Variants in ACTR3C observed in about 807,000 individuals in gnomAD.
The protein encoded by ACTR3C is actin related protein 3C.
Under a neutral mutation model 26.3 loss-of-function variants are expected in ACTR3C, and 18 were observed. The ratio of observed to expected loss-of-function variants is 0.68; its 90% confidence interval spans 0.47 to 1.01. ACTR3C has a LOEUF of 1.01. Among genes scored for constraint, ACTR3C ranks in the 50% least tolerant of loss-of-function variants. The pLI is 0.00. For missense variants in ACTR3C, 184 were observed against 250.7 expected (o/e 0.73, Z 1.80); for synonymous variants, 55 against 94.5 (o/e 0.58, Z 2.42).
the ACTR3C span, among the ~76,000 whole-genome samples, chr7:149,964,677 T>C: frequency 6.6e-6 from 1 of 152,230 alleles, no homozygotes; most frequent in Non-Finnish European, 1.5e-5. Flanking sequence ...AAACCTCTCT[T>C]GATTTATATA....
At chr7:150,260,312 T>C (rs1391715038) in intron 6 of ACTR3C, among the ~76,000 whole-genome samples, 4 of 152,202 alleles carry the variant, frequency 2.6e-5, no homozygotes, top group Admixed American at 1.3e-4. Context: ...ACAAAAATGG[T>C]CAATTTTATG....
chr7:150,052,851 T>C, the ACTR3C span, among the ~76,000 whole-genome samples: 2 of 106,838 alleles, frequency 1.9e-5, 1 homozygote, highest in African/African-American at 6.4e-5. Flanking sequence ...TTAACCATAA[T>C]CGACTCTTCT....
chr7:149,951,516 C>T, the ACTR3C span, among the ~76,000 whole-genome samples: 3 of 150,080 alleles, frequency 2.0e-5, no homozygotes, highest in African/African-American at 5.1e-5. Flanking sequence ...TGGTAGGACT[C>T]GGGTCTTTCT....
At chr7:150,126,806 G>C in the ACTR3C span, among the ~76,000 whole-genome samples, 1 of 152,108 alleles carries the variant, frequency 6.6e-6, no homozygotes, top group Non-Finnish European at 1.5e-5. Flanking sequence ...CCTTGTCTGT[G>C]GTATGTTCAC....
chr7:149,906,343 A>G, the ACTR3C span, among the ~76,000 whole-genome samples: 1 of 151,574 alleles, frequency 6.6e-6, no homozygotes, highest in South Asian at 2.1e-4. Context: ...TACAGAGATG[A>G]AATATGCAGT....
the ACTR3C span, among the ~76,000 whole-genome samples, chr7:150,174,927 A>T: frequency 6.9e-6 from 1 of 144,034 alleles, no homozygotes; most frequent in Admixed American, 6.6e-5. Context: ...TCTCTCCCAA[A>T]TTGATCAGTA....
intron 6 of ACTR3C, among the ~76,000 whole-genome samples, chr7:150,258,556 C>T (rs1215282144): frequency 2.0e-5 from 3 of 152,222 alleles, no homozygotes; most frequent in African/African-American, 7.2e-5. Context: ...CTACAATCTC[C>T]AAGTACATAA....
the ACTR3C span, among the ~76,000 whole-genome samples, chr7:150,174,375 T>A: frequency 5.9e-4 from 81 of 138,298 alleles, 9 homozygotes; most frequent in East Asian, 0.015. Context: ...GACTTATTCA[T>A]TATCATAAGA....
At chr7:150,068,637 G>C in the ACTR3C span, among the ~76,000 whole-genome samples, 7 of 122,872 alleles carry the variant, frequency 5.7e-5, no homozygotes, top group Non-Finnish European at 9.1e-5. Flanking sequence ...AAAAAAAATA[G>C]GCGGGTGTGG....
chr7:150,169,210 T>C, the ACTR3C span, among the ~76,000 whole-genome samples: 1 of 149,724 alleles, frequency 6.7e-6, no homozygotes, highest in African/African-American at 2.5e-5. Flanking sequence ...TGAAACCCCA[T>C]CTCTACCAAA....
chr7:150,190,564 G>C, the ACTR3C span, among the ~76,000 whole-genome samples: 2 of 151,990 alleles, frequency 1.3e-5, no homozygotes, highest in Non-Finnish European at 2.9e-5. Context: ...TTTTTCATAC[G>C]CATGTCCCGT....
chr7:150,185,286 T>C, the ACTR3C span, among the ~76,000 whole-genome samples: 1 of 139,866 alleles, frequency 7.1e-6, no homozygotes, highest in South Asian at 2.3e-4. Flanking sequence ...CGTGTGTGTG[T>C]GTGTGTGTGT....
chr7:149,928,804 C>T, the ACTR3C span, among the ~76,000 whole-genome samples: 1 of 151,600 alleles, frequency 6.6e-6, no homozygotes, highest in Non-Finnish European at 1.5e-5. Context: ...AGTCACACCA[C>T]TGCACTTCAG....
At chr7:150,280,268 G>A (rs1334577376) in intron 6 of ACTR3C, among the ~76,000 whole-genome samples, 1 of 152,212 alleles carries the variant, frequency 6.6e-6, no homozygotes, top group African/African-American at 2.4e-5. Context: ...GTGGGCCCAG[G>A]CTGATTTTCA....
At chr7:150,037,770 T>TC in the ACTR3C span, among the ~76,000 whole-genome samples, 10 of 41,520 alleles carry the variant, frequency 2.4e-4, 1 homozygote, top group Non-Finnish European at 6.2e-4. Flanking sequence ...GGGGGGTGCC[T>TC]CCCCCTCCTG....
chr7:149,961,104 G>T, the ACTR3C span, among the ~76,000 whole-genome samples: 1 of 150,228 alleles, frequency 6.7e-6, no homozygotes, highest in African/African-American at 2.5e-5. Flanking sequence ...GAAGTGTACA[G>T]TCACAGGAAG....
the ACTR3C span, among the ~76,000 whole-genome samples, chr7:149,886,720 C>A: frequency 5.9e-5 from 9 of 152,284 alleles, no homozygotes; most frequent in East Asian, 1.7e-3. Context: ...TTTTGGGAAG[C>A]CAAGGCGGGC....
chr7:149,975,604 C>T, the ACTR3C span, among the ~76,000 whole-genome samples: 724 of 152,010 alleles, frequency 4.8e-3, 11 homozygotes, highest in East Asian at 0.057. Flanking sequence ...AGAATATTAC[C>T]GGATTAGTCC....
At chr7:150,183,696 C>CAAAAAAAAAAAAAAAAAAAAAAAAAAAA in the ACTR3C span, among the ~76,000 whole-genome samples, 1 of 48,044 alleles carries the variant, frequency 2.1e-5, no homozygotes, top group African/African-American at 6.9e-5. Flanking sequence ...GTGGCTATGG[C>CAAAAAAAAAAAAAAAAAAAAAAAAAAAA]AAAAAAAAAA....
Sources: gnomAD v4.1 joint callset for allele counts (sites outside exome capture counted in the v4.1 genomes callset) on GRCh38, gnomAD v4.1.1 for gene constraint, MANE v1.5 for transcripts, NCBI Gene and HGNC (gene_info 2026-07-23, HGNC 2026-07-21) for gene names.